Variants in CNTN6 observed in about 807,000 individuals in gnomAD.
The protein encoded by CNTN6 is contactin-6.
Under a neutral mutation model 122.8 loss-of-function variants are expected in CNTN6, and 137 were observed. That is an observed-to-expected ratio of 1.12 (90% CI 0.97 to 1.29). The LOEUF (loss-of-function observed/expected upper bound fraction) is 1.29. Among genes scored for constraint, CNTN6 ranks in the 50% most tolerant of loss-of-function variants. The probability of loss-of-function intolerance (pLI) is 0.00; values close to 1 mark genes in which losing one functional copy is unlikely to be tolerated. For synonymous variants in CNTN6, 570 were observed against 426.0 expected (o/e 1.34, Z -4.16); for missense variants, 1,634 against 1,223.4 (o/e 1.34, Z -5.01).
intron 2 of CNTN6, among the ~76,000 whole-genome samples, chr3:1,155,853 G>A (rs902953514): frequency 6.6e-6 from 1 of 152,078 alleles, no homozygotes; most frequent in Non-Finnish European, 1.5e-5. Context: ...GGCATCCTCT[G>A]TGTCCTTTCC....
At chr3:1,331,856 T>C (rs1325748330) in intron 11 of CNTN6, among the ~76,000 whole-genome samples, 2 of 151,394 alleles carry the variant, frequency 1.3e-5, no homozygotes, top group Non-Finnish European at 3.0e-5. Flanking sequence ...AAAGCTAAGA[T>C]AATAAGAAAA....
At chr3:1,304,057 CA>C in intron 7 of CNTN6, among the ~76,000 whole-genome samples, 1 of 152,192 alleles carries the variant, frequency 6.6e-6, no homozygotes, top group African/African-American at 2.4e-5. Flanking sequence ...TTCTTTCTAA[CA>C]CTGTGCTCTG....
chr3:1,287,834 C>A lies in CNTN6; in HGVS notation c.455-7767C>A, dbSNP rs182165277. ...CAATATGGTCTAAAAGTGTGAGGAACCTTCAGTCCTGGGAATTCTCCTCCT... is the reference window on the plus strand; with the variant it reads ...CAATATGGTCTAAAAGTGTGAGGAAACTTCAGTCCTGGGAATTCTCCTCCT... On this transcript the variant is annotated intron_variant, in intron 5 of 22. Transcript: ENST00000446702. Among the ~76,000 whole-genome samples the A allele has an allele frequency of 3.2e-4, 48 of 152,236 alleles. 1 individual carries two copies. Among genetic ancestry groups the A allele is most frequent in the African/African-American group, 7.2e-4 (30 of 41,526 alleles).
intron 4 of CNTN6, among the ~76,000 whole-genome samples, chr3:1,245,766 A>G (rs993469800): frequency 6.6e-6 from 1 of 152,152 alleles, no homozygotes; most frequent in Non-Finnish European, 1.5e-5. Flanking sequence ...CAGCAAATAC[A>G]AATAATAAAG....
intron 1 of CNTN6, among the ~76,000 whole-genome samples, chr3:1,105,599 G>C (rs1281932600): frequency 1.6e-4 from 25 of 152,112 alleles, no homozygotes; most frequent in Non-Finnish European, 1.5e-5. Flanking sequence ...AACTGAAATA[G>C]TTAATGTTTC....
At chr3:1,380,052 G>A (rs1488239497) in intron 17 of CNTN6, among the ~76,000 whole-genome samples, 1 of 152,198 alleles carries the variant, frequency 6.6e-6, no homozygotes. Context: ...GGTCAGGAAA[G>A]ACACCATCAG....
chr3:1,333,849 G>A (rs1353035356), intron 11 of CNTN6, among the ~76,000 whole-genome samples: 1 of 152,116 alleles, frequency 6.6e-6, no homozygotes, highest in Non-Finnish European at 1.5e-5. Flanking sequence ...TTGGTGCCAA[G>A]TCTTCCATCT....
chr3:1,164,376 TC>T (rs1357557251), intron 2 of CNTN6, among the ~76,000 whole-genome samples: 4 of 152,242 alleles, frequency 2.6e-5, no homozygotes, highest in Non-Finnish European at 5.9e-5. Flanking sequence ...CTGTGATATT[TC>T]CCCTCTCACT....
At chr3:1,403,233 A>G (rs970240904) in intron 22 of CNTN6, 85 bp from the exon 23 acceptor site, 4 of 726,684 alleles carry the variant, frequency 5.5e-6, no homozygotes, top group Admixed American at 4.7e-5. Context: ...GAGAAATGAT[A>G]GTATGAAATT....
At chr3:1,193,972 G>GT (rs796107968) in intron 2 of CNTN6, among the ~76,000 whole-genome samples, 137 of 151,974 alleles carry the variant, frequency 9.0e-4, no homozygotes, top group African/African-American at 2.3e-3. Context: ...TTTTATCTAT[G>GT]TTTTTTTTCC....
intron 2 of CNTN6, among the ~76,000 whole-genome samples, chr3:1,152,074 T>C (rs72999808): frequency 1.3e-5 from 2 of 152,216 alleles, no homozygotes; most frequent in Non-Finnish European, 2.9e-5. Flanking sequence ...TTTTTGTCTT[T>C]GTAGACAATG....
chr3:1,268,928 C>A (rs1368184417), intron 4 of CNTN6, among the ~76,000 whole-genome samples: 1 of 152,046 alleles, frequency 6.6e-6, no homozygotes, highest in African/African-American at 2.4e-5. Flanking sequence ...TTACAGTGAG[C>A]TATGATCAAG....
intron 11 of CNTN6, among the ~76,000 whole-genome samples, chr3:1,339,652 T>G (rs1330782978): frequency 6.6e-6 from 1 of 152,124 alleles, no homozygotes; most frequent in Non-Finnish European, 1.5e-5. Context: ...AGGTACAGGC[T>G]TATTACGAGA....
At chr3:1,214,953 T>A in intron 2 of CNTN6, among the ~76,000 whole-genome samples, 1 of 152,134 alleles carries the variant, frequency 6.6e-6, no homozygotes, top group East Asian at 1.9e-4. Flanking sequence ...AGACAGGGTC[T>A]CCCTATAGTA....
chr3:1,369,965 C>A (rs1418804488), intron 12 of CNTN6, among the ~76,000 whole-genome samples: 1 of 151,808 alleles, frequency 6.6e-6, no homozygotes, highest in African/African-American at 2.4e-5. Flanking sequence ...CAAAACAATA[C>A]AAGCTTTTTA....
chr3:1,326,190 T>C (rs1701514091), intron 9 of CNTN6, among the ~76,000 whole-genome samples: 1 of 151,854 alleles, frequency 6.6e-6, no homozygotes, highest in South Asian at 2.1e-4. Context: ...TGTTAGCCAG[T>C]AATAGATTCA....
Position 1,273,781 on chromosome 3 carries a change from G to A in CNTN6, c.359-4632G>A, listed in dbSNP as rs146971603. ...CATGTCAGCTAATAGAAATCCCATTGTAATCATAAAAGGCACAGAGAAATT... is the reference window on the plus strand; with the variant it reads ...CATGTCAGCTAATAGAAATCCCATTATAATCATAAAAGGCACAGAGAAATT... On this transcript the variant is annotated intron_variant, in intron 4 of 22. Transcript: ENST00000446702. Among the ~76,000 whole-genome samples the A allele has an allele frequency of 5.1e-3, 779 of 152,274 alleles. 5 individuals carry two copies. Among genetic ancestry groups the A allele is most frequent in the Non-Finnish European group, 8.6e-3 (582 of 68,018 alleles).
chr3:1,313,654 T>G (rs1312126723), intron 7 of CNTN6, among the ~76,000 whole-genome samples: 1 of 152,104 alleles, frequency 6.6e-6, no homozygotes. Flanking sequence ...ATTTGTGGCT[T>G]TTCAAAGATG....
chr3:1,193,316 T>C (rs1375822353), intron 2 of CNTN6, among the ~76,000 whole-genome samples: 1 of 152,152 alleles, frequency 6.6e-6, no homozygotes, highest in African/African-American at 2.4e-5. Flanking sequence ...TATTATGTCT[T>C]GGCACTGAAG....
Sources: gnomAD v4.1 joint callset for allele counts (sites outside exome capture counted in the v4.1 genomes callset) on GRCh38, gnomAD v4.1.1 for gene constraint, MANE v1.5 for transcripts, NCBI Gene and HGNC (gene_info 2026-07-23, HGNC 2026-07-21) for gene names.